Variants in PAPPA observed in about 807,000 individuals in gnomAD.
PAPPA encodes pappalysin 1.
In PAPPA, 60 loss-of-function variants were observed where a neutral mutation model predicts 164.0. That is an observed-to-expected ratio of 0.37 (90% CI 0.30 to 0.45). PAPPA has a LOEUF of 0.45. Ranked by LOEUF, PAPPA falls within the 20% of genes least tolerant of loss-of-function variation. PAPPA has a pLI of 1.00. For synonymous variants in PAPPA, 875 were observed against 814.1 expected (o/e 1.07, Z -1.27); for missense variants, 1,782 against 2,087.3 (o/e 0.85, Z 2.85).
In PAPPA at chr9:116,187,620, G is replaced by A; in HGVS notation, c.882G>A (p.Lys294=). The A allele has an allele frequency of 1.2e-6, 2 of 1,614,242 alleles. No individual in the cohort carries two copies. The highest frequency in any genetic ancestry group is 8.5e-7 in the Non-Finnish European group (1 of 1,180,032). The part of the protein sequence containing the change: ...LLLQENWDNV[K]HAWSPMKDGS... Reference sequence around the variant, plus strand: ...TCCAGGAGAACTGGGACAATGTGAAGCATGCCTGGTCCCCCATGAAGGATG... The same window carrying A: ...TCCAGGAGAACTGGGACAATGTGAAACATGCCTGGTCCCCCATGAAGGATG... The change falls in exon 2 of 22, where the codon AAG becomes AAA. Residue 294 remains lysine, a synonymous_variant. Transcript: ENST00000328252. The surrounding 1 kb of genome is among the most constrained non-coding windows in gnomAD (Gnocchi z 4.2).
intron 18 of PAPPA, among the ~76,000 whole-genome samples, chr9:116,363,194 A>G (rs1242962135): frequency 6.6e-6 from 1 of 152,200 alleles, no homozygotes; most frequent in African/African-American, 2.4e-5. Flanking sequence ...CTAAACATTC[A>G]TGAGTACCTG....
chr9:116,245,800 C>T (rs1449841341), intron 7 of PAPPA, among the ~76,000 whole-genome samples: 4 of 152,186 alleles, frequency 2.6e-5, no homozygotes, highest in Non-Finnish European at 2.9e-5. Flanking sequence ...CTGTTAAACA[C>T]GTAGGACTGA....
chr9:116,259,160 A>G (rs1844971730), intron 7 of PAPPA, among the ~76,000 whole-genome samples: 1 of 151,524 alleles, frequency 6.6e-6, no homozygotes, highest in Non-Finnish European at 1.5e-5. Context: ...AATAATAATA[A>G]TAATAATAAA....
At chr9:116,318,309 T>C (rs1042765447) in intron 10 of PAPPA, 1 of 152,034 alleles carries the variant, frequency 6.6e-6, no homozygotes, top group Non-Finnish European at 1.5e-5. Flanking sequence ...CCCACCCCCA[T>C]GGGAGGAGAA....
chr9:116,166,125 AGCATGT>A (rs2118981955), intron 1 of PAPPA, among the ~76,000 whole-genome samples: 1 of 152,328 alleles, frequency 6.6e-6, no homozygotes, highest in East Asian at 1.9e-4. Flanking sequence ...CACATGACCT[AGCATGT>A]GCATCACTGT....
Position 116,219,938 on chromosome 9 carries a change from T to G in PAPPA, c.1920T>G (p.Asp640Glu). 6.2e-7 allele frequency: 1 copy of G among 1,605,886 alleles called. No homozygotes were observed. The highest frequency in any genetic ancestry group is 8.5e-7 in the Non-Finnish European group (1 of 1,174,008). The change falls in exon 5 of 22, where the codon GAT becomes GAG. Residue 640 changes from aspartate to glutamate, a missense_variant and splice_region_variant. Around this residue, in one of 2 missense-constraint regions of PAPPA, gnomAD observed 1,324 missense variants for 1,656.9 expected, o/e 0.80. Coordinates refer to ENST00000328252, the MANE Select transcript of PAPPA (RefSeq NM_002581.5). ...TPYNNFMSYADDDCTDSFTPN... is the reference protein window; with the variant it reads ...TPYNNFMSYAEDDCTDSFTPN... ...ATCTCTCCCTCTGCCTGCTTGCAGA[T>G]GACGACTGTACGGACTCCTTCACGC...
In PAPPA at chr9:116,154,161, G is replaced by A. The variant is rs1843568730; in HGVS notation, c.-12G>A. 5.7e-6 allele frequency: 7 copies of A among 1,224,328 alleles called. No individual in the cohort carries two copies. Among genetic ancestry groups the A allele is most frequent in the Non-Finnish European group, 6.5e-6 (6 of 926,432 alleles). 75.8% of individuals were successfully genotyped at this position (1,224,328 alleles called of 1,614,324 possible). ...TGCAGGGGCGAAGGGGGGGCGGGGG[G>A]AACCGTCGGACATGCGGCTCTGGAG... On this transcript the variant is annotated 5_prime_UTR_variant, in exon 1 of 22. Coordinates refer to ENST00000328252, the MANE Select transcript of PAPPA (RefSeq NM_002581.5). The surrounding 1 kb of genome is among the most constrained non-coding windows in gnomAD (Gnocchi z 5.2).
intron 1 of PAPPA, among the ~76,000 whole-genome samples, chr9:116,160,390 T>C (rs1044430868): frequency 6.6e-6 from 1 of 152,208 alleles, no homozygotes; most frequent in African/African-American, 2.4e-5. Context: ...AATGAATCTC[T>C]CGGAGTTTTG....
chr9:116,320,955 G>A (rs1845847322), intron 10 of PAPPA, among the ~76,000 whole-genome samples: 1 of 152,094 alleles, frequency 6.6e-6, no homozygotes, highest in Admixed American at 6.6e-5. Flanking sequence ...ACCTGAAGTT[G>A]GAAGATTTGA....
intron 9 of PAPPA, among the ~76,000 whole-genome samples, chr9:116,279,495 C>T (rs560923396): frequency 1.1e-4 from 16 of 152,092 alleles, no homozygotes; most frequent in South Asian, 8.3e-4. Context: ...AGAAACAGAA[C>T]GGCCTCTGAC....
At chr9:116,181,735 G>A (rs914182444) in intron 1 of PAPPA, among the ~76,000 whole-genome samples, 2 of 152,220 alleles carry the variant, frequency 1.3e-5, no homozygotes, top group Admixed American at 6.5e-5. Context: ...GGCTGGTAAC[G>A]GAAATCCAGA....
intron 10 of PAPPA, among the ~76,000 whole-genome samples, chr9:116,327,333 G>A (rs566007948): frequency 2.0e-5 from 3 of 152,162 alleles, no homozygotes; most frequent in Non-Finnish European, 4.4e-5. Flanking sequence ...GGCTCTGCAC[G>A]GGGTATAAGA....
chr9:116,226,657 G>T (rs2118721425), intron 5 of PAPPA, among the ~76,000 whole-genome samples: 1 of 152,266 alleles, frequency 6.6e-6, no homozygotes, highest in Admixed American at 6.5e-5. Flanking sequence ...CTCCACAACT[G>T]CCTCATAAAC....
At chr9:116,158,805 A>ATCG (rs1416201730) in intron 1 of PAPPA, among the ~76,000 whole-genome samples, 8 of 152,180 alleles carry the variant, frequency 5.3e-5, no homozygotes, top group Non-Finnish European at 1.5e-5. Flanking sequence ...AGAAGTGTGT[A>ATCG]TCGTCGCCTG....
chr9:116,344,415 C>A (rs551370015), intron 13 of PAPPA, 128 bp from the exon 14 acceptor site: 7 of 852,662 alleles, frequency 8.2e-6, no homozygotes, highest in Non-Finnish European at 1.3e-5. Flanking sequence ...CTAGCCAGCA[C>A]CCCTTTCTGT....
chr9:116,391,087 C>T (rs967724348), intron 21 of PAPPA, among the ~76,000 whole-genome samples: 5 of 152,158 alleles, frequency 3.3e-5, no homozygotes, highest in African/African-American at 7.2e-5. Context: ...AAGACTCAAA[C>T]GTGTCTTTTT....
intron 2 of PAPPA, among the ~76,000 whole-genome samples, chr9:116,192,193 T>C (rs2118640373): frequency 6.6e-6 from 1 of 152,206 alleles, no homozygotes; most frequent in African/African-American, 2.4e-5. Context: ...AATCCATAGA[T>C]AGCCAGCCTC....
At chr9:116,205,185 T>A (rs1446846393) in intron 2 of PAPPA, among the ~76,000 whole-genome samples, 189 of 150,492 alleles carry the variant, frequency 1.3e-3, no homozygotes, top group African/African-American at 4.4e-3. Flanking sequence ...TCCCAAAGTA[T>A]GAAAAAAAAA....
At chr9:116,310,658 T>C (rs79195057) in intron 10 of PAPPA, among the ~76,000 whole-genome samples, 2,842 of 152,292 alleles carry the variant, frequency 0.019, 43 homozygotes, top group Non-Finnish European at 0.03. Flanking sequence ...CTCTCTTCTA[T>C]TCATCCTTTG....
Sources: allele counts gnomAD v4.1 joint callset (sites outside exome capture counted in the v4.1 genomes callset), GRCh38; gene constraint gnomAD v4.1.1; regional missense constraint gnomAD v4.1.1; non-coding constraint Gnocchi (gnomAD v3.1); transcripts MANE v1.5; gene names NCBI Gene and HGNC (gene_info 2026-07-23, HGNC 2026-07-21).